Variants in SRPK1 observed in about 807,000 individuals in gnomAD.
The protein encoded by SRPK1 is SRSF protein kinase 1.
Under a neutral mutation model 89.5 loss-of-function variants are expected in SRPK1, and 52 were observed. The observed-to-expected ratio is 0.58, with a 90% CI of 0.46 to 0.73. The LOEUF is 0.73. Ranked by LOEUF, SRPK1 falls within the 30% of genes least tolerant of loss-of-function variation. SRPK1 has a pLI of 0.00. For missense variants in SRPK1, 603 were observed against 780.6 expected (o/e 0.77, Z 2.71); for synonymous variants, 255 against 270.2 (o/e 0.94, Z 0.55).
At chr6:35,878,995 G>A (rs1770218125) in intron 6 of SRPK1, among the ~76,000 whole-genome samples, 1 of 152,100 alleles carries the variant, frequency 6.6e-6, no homozygotes, top group African/African-American at 2.4e-5. Context: ...GGAGGCTGAG[G>A]CAGGAGAATC....
intron 2 of SRPK1, among the ~76,000 whole-genome samples, chr6:35,904,069 G>A (rs1001342479): frequency 1.3e-5 from 2 of 151,896 alleles, no homozygotes; most frequent in Admixed American, 6.6e-5. Context: ...CTCCCAAAGT[G>A]GTGGGATTAT....
chr6:35,860,157 G>A lies in SRPK1; in HGVS notation c.1513-2789C>T, dbSNP rs1475971408. On this transcript the variant is annotated intron_variant, in intron 12 of 15. Transcript: ENST00000373825. The stretch of plus-strand genomic sequence containing the variant: ...GGGATTACAGGGGCGAGCCAAGAAC[G>A]CAGTCATTTTAAATGCAGAGACACT... Among the ~76,000 whole-genome samples, 6 of 152,006 alleles carry A rather than the reference G, an allele frequency of 3.9e-5. No homozygotes were observed. The South Asian group carries it at 1.0e-3, about 26-fold the overall frequency.
chr6:35,888,247 G>A, intron 4 of SRPK1, 136 bp from the exon 5 acceptor site: 2 of 497,770 alleles, frequency 4.0e-6, no homozygotes, highest in Non-Finnish European at 7.0e-6. Context: ...CTACTTCTAT[G>A]GGAACATTTA....
At position 35,873,866 on chromosome 6, in the gene SRPK1, G is replaced by A. The variant is rs189488431; in HGVS notation, c.585+367C>T. On this transcript the variant is annotated intron_variant, in intron 7 of 15. Coordinates refer to ENST00000373825, the MANE Select transcript of SRPK1 (RefSeq NM_003137.5). ...TTTTGAGACGGAGTCTCGCTCTGTC[G>A]CCCAGGCTGGAGTGCAGTGGTGTGA... 3.8e-3 allele frequency among the ~76,000 whole-genome samples: 573 copies of A among 150,560 alleles called. 2 individuals are homozygous for A. Among genetic ancestry groups the A allele is most frequent in the African/African-American group, 0.013 (538 of 40,884 alleles).
chr6:35,868,928 T>C (rs9296168), intron 12 of SRPK1, 82 bp downstream of exon 12: 331,853 of 1,033,418 alleles, frequency 0.32, 55,618 homozygotes, highest in South Asian at 0.44. Context: ...TACAGAATTA[T>C]GGATGTTTTG....
chr6:35,879,509 C>T (rs1368594800), intron 6 of SRPK1, among the ~76,000 whole-genome samples: 15 of 152,094 alleles, frequency 9.9e-5, no homozygotes, highest in Admixed American at 9.2e-4. Flanking sequence ...GACTGTGCCA[C>T]TGTACTCCAG....
intron 12 of SRPK1, 77 bp from the exon 13 acceptor site, chr6:35,857,445 G>T: frequency 8.6e-7 from 1 of 1,168,624 alleles, no homozygotes; most frequent in Non-Finnish European, 1.2e-6. Context: ...TAATGGAGAT[G>T]AAAATAAACT....
rs3840167 is a variant in SRPK1, at chr6:35,834,146, TAACG to T, written c.*1154_*1157del. ...GCAGAGAATGGCTAATCTTAAAAAA[TAACG>T]AACCAACCAACCAAAAAACAAAACA... On this transcript the variant is annotated 3_prime_UTR_variant, in exon 16 of 16. Coordinates refer to ENST00000373825, the MANE Select transcript of SRPK1 (RefSeq NM_003137.5). 47,764 of 151,926 alleles carry T rather than the reference TAACG, an allele frequency of 0.31. 7,691 individuals are homozygous for T. The highest frequency in any genetic ancestry group is 0.42 in the South Asian group (2,030 of 4,800). The allele number at this position is 151,926 out of a possible 1,614,324, so 9.4% of individuals were successfully genotyped here.
intron 13 of SRPK1, among the ~76,000 whole-genome samples, chr6:35,844,869 TA>T (rs532291795): frequency 1.3e-5 from 2 of 151,254 alleles, no homozygotes; most frequent in Non-Finnish European, 2.9e-5. Context: ...AAATTAAAGT[TA>T]AAAAAAACAA....
At chr6:35,882,071 C>T (rs1227996109) in intron 6 of SRPK1, among the ~76,000 whole-genome samples, 1 of 148,634 alleles carries the variant, frequency 6.7e-6, no homozygotes, top group Non-Finnish European at 1.5e-5. Flanking sequence ...CCAGTAGTAG[C>T]AGTAGTAGTA....
intron 14 of SRPK1, among the ~76,000 whole-genome samples, chr6:35,841,225 C>T (rs1226396792): frequency 5.3e-5 from 8 of 152,186 alleles, no homozygotes; most frequent in Non-Finnish European, 1.0e-4. Flanking sequence ...CTTATATATA[C>T]AAAATATGTC....
At chr6:35,860,564 AC>A (rs1185408022) in intron 12 of SRPK1, among the ~76,000 whole-genome samples, 1 of 152,196 alleles carries the variant, frequency 6.6e-6, no homozygotes, top group African/African-American at 2.4e-5. Flanking sequence ...CAGAGTCAAT[AC>A]GTTTCTCCAC....
rs892656006 is a variant in SRPK1, at chr6:35,869,113, A to G, written c.1412-3T>C. On this transcript the variant is annotated splice_polypyrimidine_tract_variant and splice_region_variant and intron_variant, in intron 11 of 15. Transcript: ENST00000373825. ...AAAATTTCCAGCCGTGGATTTTCCT[A>G]CAGACAACAGGCATCATCAATAAGA... 1.2e-6 allele frequency: 2 copies of G among 1,610,140 alleles called. No homozygotes were observed. The highest frequency in any genetic ancestry group is 2.7e-5 in the African/African-American group (2 of 74,868).
chr6:35,865,367 C>G (rs897459030), intron 12 of SRPK1, among the ~76,000 whole-genome samples: 6 of 152,054 alleles, frequency 3.9e-5, no homozygotes, highest in Non-Finnish European at 8.8e-5. Flanking sequence ...AACAATCACA[C>G]TATCCAAAGC....
At chr6:35,907,010 A>C (rs1014540032) in intron 2 of SRPK1, among the ~76,000 whole-genome samples, 1 of 152,202 alleles carries the variant, frequency 6.6e-6, no homozygotes, top group African/African-American at 2.4e-5. Flanking sequence ...AAATTAAGAA[A>C]TAGAATATTA....
chr6:35,908,190 T>C (rs991573953), intron 2 of SRPK1, among the ~76,000 whole-genome samples: 4 of 152,140 alleles, frequency 2.6e-5, no homozygotes, highest in African/African-American at 9.7e-5. Context: ...GCTATAAAGA[T>C]ACTTGAAAAT....
At chr6:35,882,833 G>A (rs1055911117) in intron 6 of SRPK1, among the ~76,000 whole-genome samples, 2 of 151,982 alleles carry the variant, frequency 1.3e-5, no homozygotes, top group Non-Finnish European at 2.9e-5. Context: ...ACCCGAGATG[G>A]AGTCTTGCTC....
intron 6 of SRPK1, among the ~76,000 whole-genome samples, chr6:35,875,835 T>C (rs571529743): frequency 1.7e-3 from 264 of 152,168 alleles, no homozygotes; most frequent in Middle Eastern, 0.017. Context: ...ACAAAGTACC[T>C]TTACAACTGG....
At position 35,857,367 on chromosome 6, in the gene SRPK1, T is replaced by C. The variant is rs1485801922; in HGVS notation, c.1514A>G (p.His505Arg). ...IADLGNACWV[H>R]KHFTEDIQTR... is the part of the protein sequence containing the mutation. ...TTGAATATCTTCAGTGAAATGTTTGTGCTGAGAAAATGAAGGAAACAATAT... is the reference window on the plus strand; with the variant it reads ...TTGAATATCTTCAGTGAAATGTTTGCGCTGAGAAAATGAAGGAAACAATAT... The change falls in exon 13 of 16, where the codon CAC becomes CGC. Residue 505 changes from histidine (H) to arginine (R), a missense_variant and splice_region_variant. Coordinates refer to ENST00000373825, the MANE Select transcript of SRPK1 (RefSeq NM_003137.5). 1.2e-6 allele frequency: 2 copies of C among 1,603,940 alleles called. No homozygotes were observed. Among genetic ancestry groups the C allele is most frequent in the African/African-American group, 2.7e-5 (2 of 74,806 alleles).
Sources: allele counts gnomAD v4.1 joint callset (sites outside exome capture counted in the v4.1 genomes callset), GRCh38; gene constraint gnomAD v4.1.1; transcripts MANE v1.5; gene names NCBI Gene and HGNC (gene_info 2026-07-23, HGNC 2026-07-21).